AGBL1: variants seen among roughly 807,000 people sequenced by gnomAD.
The protein encoded by AGBL1 is cytosolic carboxypeptidase 4.
A neutral mutation model predicts 118.9 loss-of-function variants in AGBL1; 130 were observed. The ratio of observed to expected loss-of-function variants is 1.09; its 90% CI spans 0.95 to 1.26. The LOEUF (loss-of-function observed/expected upper bound fraction) is 1.26, where lower values mean the gene tolerates loss of function less well. Ranked by LOEUF, AGBL1 falls within the 50% of genes most tolerant of loss-of-function variation. The pLI is 0.00. For missense variants in AGBL1, 1,584 were observed against 1,298.1 expected (o/e 1.22, Z -3.38); for synonymous variants, 555 against 478.9 (o/e 1.16, Z -2.08).
At chr15:87,027,808 CACTT>C (rs1399667885) in intron 24 of AGBL1, among the ~76,000 whole-genome samples, 2 of 151,944 alleles carry the variant, frequency 1.3e-5, no homozygotes, top group African/African-American at 4.8e-5. Flanking sequence ...CATGTGTTCT[CACTT>C]ACAAGTGGGA....
chr15:86,395,767 CAGAT>C (rs2081351744), intron 17 of AGBL1, among the ~76,000 whole-genome samples: 1 of 151,728 alleles, frequency 6.6e-6, no homozygotes, highest in South Asian at 2.1e-4. Flanking sequence ...ACGGAAGAGA[CAGAT>C]AGTCTTTAGG....
intron 23 of AGBL1, among the ~76,000 whole-genome samples, chr15:86,948,477 G>A (rs1403360990): frequency 6.6e-6 from 1 of 152,088 alleles, no homozygotes; most frequent in African/African-American, 2.4e-5. Flanking sequence ...ATTTAAAAAA[G>A]GTTAAAACTC....
chr15:86,367,810 C>T (rs1490299630), intron 17 of AGBL1, among the ~76,000 whole-genome samples: 6 of 152,076 alleles, frequency 3.9e-5, no homozygotes, highest in Non-Finnish European at 5.9e-5. Flanking sequence ...ATGAAAAGAA[C>T]ATAAGTCCAG....
At chr15:86,679,291 TC>T (rs2085906992) in intron 22 of AGBL1, among the ~76,000 whole-genome samples, 1 of 152,112 alleles carries the variant, frequency 6.6e-6, no homozygotes, top group Non-Finnish European at 1.5e-5. Flanking sequence ...TTTATGTAGT[TC>T]CTGAATATAT....
intron 22 of AGBL1, among the ~76,000 whole-genome samples, chr15:86,814,340 G>C (rs1041631684): frequency 1.3e-5 from 2 of 152,298 alleles, no homozygotes; most frequent in African/African-American, 2.4e-5. Flanking sequence ...TCTACCATCT[G>C]TGGAAACATC....
At chr15:86,208,779 T>G (rs1382432387) in intron 5 of AGBL1, among the ~76,000 whole-genome samples, 1 of 152,216 alleles carries the variant, frequency 6.6e-6, no homozygotes, top group African/African-American at 2.4e-5. Context: ...AGCTCCTGGA[T>G]TCATTGATTT....
chr15:87,005,375 G>T (rs1179231067), intron 24 of AGBL1, among the ~76,000 whole-genome samples: 1 of 152,164 alleles, frequency 6.6e-6, no homozygotes, highest in Non-Finnish European at 1.5e-5. Context: ...ATTTCTTGGA[G>T]GCTTTGTTCT....
rs2083928267 is a variant in AGBL1, at chr15:86,567,082, A to T, written c.2994+12545A>T. ...TTACTGTTTGTATTTTTATTGATTAACAGGATCATTAATGGTGGTTTTCTT... is the reference window on the plus strand; with the variant it reads ...TTACTGTTTGTATTTTTATTGATTATCAGGATCATTAATGGTGGTTTTCTT... On this transcript the variant is annotated intron_variant, in intron 21 of 22. Transcript: ENST00000614907. Among the ~76,000 whole-genome samples the T allele has an allele frequency of 4.6e-5, 7 of 152,320 alleles. No individual in the cohort carries two copies. The South Asian group carries it at 1.4e-3, about 32-fold the overall frequency.
intron 17 of AGBL1, among the ~76,000 whole-genome samples, chr15:86,348,211 G>A (rs974436985): frequency 9.9e-5 from 15 of 151,964 alleles, no homozygotes; most frequent in Admixed American, 2.0e-4. Context: ...GCAAGAATAA[G>A]AAAATAAAAG....
chr15:86,236,874 C>A (rs1017325218), intron 6 of AGBL1, among the ~76,000 whole-genome samples: 2 of 145,070 alleles, frequency 1.4e-5, no homozygotes, highest in Middle Eastern at 3.4e-3. Flanking sequence ...CCCACCCTAG[C>A]CTTTTAATAT....
At chr15:86,640,195 T>A (rs2085168109) in intron 21 of AGBL1, among the ~76,000 whole-genome samples, 1 of 152,156 alleles carries the variant, frequency 6.6e-6, no homozygotes. Flanking sequence ...ACCACCAGGA[T>A]TTAAGCTCAA....
At chr15:86,994,489 A>G (rs976250938) in intron 24 of AGBL1, among the ~76,000 whole-genome samples, 1 of 151,538 alleles carries the variant, frequency 6.6e-6, no homozygotes, top group African/African-American at 2.4e-5. Flanking sequence ...CTACCATACC[A>G]CTCTCCCTCA....
downstream of AGBL1, among the ~76,000 whole-genome samples, chr15:87,030,939 T>A (rs896738697): frequency 1.3e-5 from 2 of 151,960 alleles, no homozygotes; most frequent in East Asian, 1.9e-4. Flanking sequence ...AGAGGTGGCA[T>A]CACAGGTCCT....
chr15:86,778,501 C>T (rs1015358811), intron 22 of AGBL1, among the ~76,000 whole-genome samples: 3 of 152,084 alleles, frequency 2.0e-5, no homozygotes, highest in Non-Finnish European at 4.4e-5. Context: ...AGAGGCCTAC[C>T]CTCAGGGACG....
At chr15:86,146,711 T>C (rs1023661756) in intron 3 of AGBL1, among the ~76,000 whole-genome samples, 1 of 152,192 alleles carries the variant, frequency 6.6e-6, no homozygotes, top group African/African-American at 2.4e-5. Flanking sequence ...GTTATAGTCC[T>C]TGACACTGAC....
At chr15:86,277,261 G>C (rs146489050) in intron 15 of AGBL1, among the ~76,000 whole-genome samples, 2 of 151,336 alleles carry the variant, frequency 1.3e-5, no homozygotes, top group Admixed American at 6.6e-5. Context: ...CAAGCTATGG[G>C]GGGTAGCATG....
At chr15:86,923,480 T>A (rs767699035) in intron 23 of AGBL1, among the ~76,000 whole-genome samples, 9 of 152,188 alleles carry the variant, frequency 5.9e-5, no homozygotes, top group Non-Finnish European at 1.3e-4. Flanking sequence ...CCAATTCAAA[T>A]CTCAGCTTAC....
intron 18 of AGBL1, among the ~76,000 whole-genome samples, chr15:86,520,098 A>C (rs755206516): frequency 3.3e-4 from 50 of 152,192 alleles, no homozygotes; most frequent in Non-Finnish European, 6.0e-4. Flanking sequence ...TTCACCCTGC[A>C]TATAGCTATC....
chr15:87,000,902 C>G (rs1318372034), intron 24 of AGBL1, among the ~76,000 whole-genome samples: 8 of 139,632 alleles, frequency 5.7e-5, no homozygotes, highest in African/African-American at 2.2e-4. Flanking sequence ...CTTTTATTTC[C>G]TTGAGCAGTG....
Sources: allele counts gnomAD v4.1 joint callset (sites outside exome capture counted in the v4.1 genomes callset), GRCh38; gene constraint gnomAD v4.1.1; transcripts MANE v1.5; gene names NCBI Gene and HGNC (gene_info 2026-07-23, HGNC 2026-07-21).